Variants in FAF1 observed in about 807,000 individuals in gnomAD.
FAF1 encodes the protein FAS-associated factor 1.
FAF1 carries 25 observed loss-of-function variants against 92.5 expected under a neutral mutation model. That is an observed-to-expected ratio of 0.27 (90% confidence interval 0.20 to 0.38). The LOEUF is 0.38. FAF1 is among the 10% of genes least tolerant of loss of function. The pLI is 1.00. For missense variants in FAF1, 636 were observed against 793.3 expected, an observed-to-expected ratio of 0.80 and a Z score of 2.38; for synonymous variants, 234 against 273.2, an observed-to-expected ratio of 0.86 and a Z score of 1.42.
intron 5 of FAF1, 63 bp from the exon 6 acceptor site, chr1:50,739,017 C>A: frequency 9.7e-7 from 1 of 1,028,590 alleles, no homozygotes; most frequent in Non-Finnish European, 1.4e-6. Flanking sequence ...ATTGATTTTT[C>A]CTGTAATTCT....
intron 13 of FAF1, among the ~76,000 whole-genome samples, chr1:50,560,715 A>C (rs1320863922): frequency 6.6e-6 from 1 of 152,224 alleles, no homozygotes; most frequent in Non-Finnish European, 1.5e-5. Context: ...AGTCAAATTC[A>C]ATGTTTGATT....
At chr1:50,849,890 G>A (rs928379815) in intron 2 of FAF1, among the ~76,000 whole-genome samples, 2 of 152,216 alleles carry the variant, frequency 1.3e-5, no homozygotes, top group African/African-American at 2.4e-5. Flanking sequence ...GAATCAAAGT[G>A]TACATTTATC....
chr1:50,819,188 G>A (rs1644007477), intron 2 of FAF1, among the ~76,000 whole-genome samples: 1 of 152,044 alleles, frequency 6.6e-6, no homozygotes, highest in South Asian at 2.1e-4. Context: ...CTTGCCTAGA[G>A]TAGAGCTGGG....
At chr1:50,586,677 T>A (rs1651247301) in intron 9 of FAF1, among the ~76,000 whole-genome samples, 1 of 152,182 alleles carries the variant, frequency 6.6e-6, no homozygotes, top group African/African-American at 2.4e-5. Flanking sequence ...AGATCTAAGA[T>A]CTCCTGGTTT....
At chr1:50,596,963 T>C (rs1173351666) in intron 8 of FAF1, among the ~76,000 whole-genome samples, 1 of 152,304 alleles carries the variant, frequency 6.6e-6, no homozygotes, top group African/African-American at 2.4e-5. Flanking sequence ...GGGAAGATGA[T>C]GAATATACAT....
intron 1 of FAF1, among the ~76,000 whole-genome samples, chr1:50,895,279 T>C (rs2124704297): frequency 6.6e-6 from 1 of 152,212 alleles, no homozygotes; most frequent in South Asian, 2.1e-4. Context: ...AATGTGGCAA[T>C]TTCTAAACTC....
intron 8 of FAF1, among the ~76,000 whole-genome samples, chr1:50,599,888 G>C (rs76950216): frequency 0.016 from 2,473 of 152,192 alleles, 73 homozygotes; most frequent in African/African-American, 0.055. Flanking sequence ...GAACTGTTTT[G>C]GGTTTTGGAA....
rs190642592 is a variant in FAF1 at position 50,446,708 on chromosome 1, G to A, written c.1870-5185C>T. 3.5e-4 allele frequency among the ~76,000 whole-genome samples: 54 copies of A among 152,286 alleles called. 1 individual carries two copies. In the East Asian group the frequency reaches 0.01, roughly 29 times the overall value. On this transcript the variant is annotated intron_variant, in intron 18 of 18. Coordinates refer to ENST00000396153, the MANE Select transcript of FAF1 (RefSeq NM_007051.3). ...TAGATCTTTTACATTTAATATTTCT[G>A]AGGTAATGCTTTTATTTTGAAATTG...
chr1:50,756,477 C>T (rs1417803152), intron 4 of FAF1, among the ~76,000 whole-genome samples: 5 of 151,558 alleles, frequency 3.3e-5, no homozygotes, highest in Non-Finnish European at 7.3e-5. Context: ...CCAAACTTTC[C>T]TGCATTTTTC....
chr1:50,476,038 A>G (rs1646636097), intron 17 of FAF1, among the ~76,000 whole-genome samples: 1 of 152,208 alleles, frequency 6.6e-6, no homozygotes, highest in African/African-American at 2.4e-5. Flanking sequence ...TAAAGCTATT[A>G]GATGCATTCA....
Position 50,539,739 on chromosome 1 carries a change from A to C in FAF1, c.1269-11T>G. ...CACATAGTGAGAAATCTAAAAGGAG[A>C]CAAAATACAAAGTAAGTTTTGCTTT... is the stretch of plus-strand genomic sequence containing the variant. On this transcript the variant is annotated splice_polypyrimidine_tract_variant and intron_variant, in intron 13 of 18. Coordinates refer to ENST00000396153, the MANE Select transcript of FAF1 (RefSeq NM_007051.3). 1 of 1,600,632 alleles carries C rather than the reference A, an allele frequency of 6.2e-7. No homozygotes were observed. Among genetic ancestry groups the C allele is most frequent in the Non-Finnish European group, 8.5e-7 (1 of 1,171,364 alleles).
At chr1:50,689,725 T>C (rs1246774107) in intron 7 of FAF1, among the ~76,000 whole-genome samples, 2 of 152,248 alleles carry the variant, frequency 1.3e-5, no homozygotes, top group East Asian at 1.9e-4. Context: ...AAATGTGGTA[T>C]GCCCACACAA....
chr1:50,587,303 C>A (rs1651282122), intron 9 of FAF1, among the ~76,000 whole-genome samples: 1 of 152,056 alleles, frequency 6.6e-6, no homozygotes. Context: ...TCTTAAAATT[C>A]CAGAAAACAA....
chr1:50,833,479 C>T (rs757657439), intron 2 of FAF1, among the ~76,000 whole-genome samples: 7 of 152,244 alleles, frequency 4.6e-5, no homozygotes, highest in Non-Finnish European at 8.8e-5. Flanking sequence ...ACTGCATTCA[C>T]CAATCTGGAA....
intron 15 of FAF1, among the ~76,000 whole-genome samples, chr1:50,494,035 TCA>T (rs1245984509): frequency 6.6e-6 from 1 of 152,188 alleles, no homozygotes; most frequent in African/African-American, 2.4e-5. Flanking sequence ...TTTCCCTTAC[TCA>T]CAGCTCTCTC....
chr1:50,848,007 T>A (rs1276474779), intron 2 of FAF1, among the ~76,000 whole-genome samples: 1 of 152,036 alleles, frequency 6.6e-6, no homozygotes, highest in East Asian at 1.9e-4. Flanking sequence ...AAAGCATCTT[T>A]CAAAAATGAA....
At chr1:50,619,082 G>A (rs1481077571) in intron 8 of FAF1, among the ~76,000 whole-genome samples, 2 of 152,100 alleles carry the variant, frequency 1.3e-5, no homozygotes, top group African/African-American at 2.4e-5. Flanking sequence ...TTTTATTTCT[G>A]CGTGGTAGAT....
intron 1 of FAF1, among the ~76,000 whole-genome samples, chr1:50,944,320 C>T (rs368541598): frequency 4.5e-4 from 69 of 152,268 alleles, no homozygotes; most frequent in African/African-American, 1.5e-3. Flanking sequence ...GGAGGAGCTG[C>T]ACCAGAGTGT....
intron 7 of FAF1, among the ~76,000 whole-genome samples, chr1:50,678,447 TC>T (rs1040579284): frequency 7.9e-5 from 12 of 152,174 alleles, no homozygotes; most frequent in African/African-American, 2.4e-4. Flanking sequence ...GATTTTCTTC[TC>T]CAGATCTTTC....
Sources: allele counts gnomAD v4.1 joint callset (sites outside exome capture counted in the v4.1 genomes callset), GRCh38; gene constraint gnomAD v4.1.1; transcripts MANE v1.5; gene names NCBI Gene and HGNC (gene_info 2026-07-23, HGNC 2026-07-21).